ROBO2: variants seen among roughly 807,000 people sequenced by gnomAD.
The protein encoded by ROBO2 is roundabout homolog 2.
Under a neutral mutation model 160.8 loss-of-function variants are expected in ROBO2, and 53 were observed. That is an observed-to-expected ratio of 0.33 (90% CI 0.26 to 0.41). The LOEUF (loss-of-function observed/expected upper bound fraction) is 0.41. Ranked by LOEUF, ROBO2 falls within the 10% of genes least tolerant of loss-of-function variation. The pLI is 1.00. For synonymous variants in ROBO2, 664 were observed against 611.7 expected (o/e 1.09, Z -1.26); for missense variants, 1,577 against 1,722.4 (o/e 0.92, Z 1.49).
intron 2 of ROBO2, among the ~76,000 whole-genome samples, chr3:76,030,925 GGGAT>G (rs1245831352): frequency 6.6e-6 from 1 of 152,100 alleles, no homozygotes; most frequent in Non-Finnish European, 1.5e-5. Flanking sequence ...TAGCTTGATG[GGGAT>G]GGCACTGAAT....
intron 1 of ROBO2, among the ~76,000 whole-genome samples, chr3:77,048,005 C>T (rs1474826606): frequency 6.6e-6 from 1 of 151,974 alleles, no homozygotes; most frequent in Non-Finnish European, 1.5e-5. Flanking sequence ...CGAGATCGCG[C>T]CACTGCACTC....
chr3:76,899,339 G>A (rs2075054324), intron 2 of ROBO2, among the ~76,000 whole-genome samples: 1 of 151,904 alleles, frequency 6.6e-6, no homozygotes, highest in Non-Finnish European at 1.5e-5. Context: ...TATGTGTGAT[G>A]GTTATTAAGT....
chr3:77,029,899 C>T (rs1289593131), intron 2 of ROBO2, among the ~76,000 whole-genome samples: 2 of 151,742 alleles, frequency 1.3e-5, no homozygotes, highest in African/African-American at 4.8e-5. Context: ...AATAGGCCTC[C>T]TATCCTTGAA....
intron 2 of ROBO2, among the ~76,000 whole-genome samples, chr3:76,348,290 G>C (rs962010762): frequency 2.0e-5 from 3 of 152,176 alleles, no homozygotes; most frequent in African/African-American, 7.2e-5. Context: ...TAATTGTTGG[G>C]AGAGGCAATC....
chr3:76,613,830 T>C (rs959271095), intron 2 of ROBO2, among the ~76,000 whole-genome samples: 6 of 152,134 alleles, frequency 3.9e-5, no homozygotes, highest in African/African-American at 1.4e-4. Flanking sequence ...TTTCAGCCAT[T>C]AGTTACATTA....
intron 2 of ROBO2, among the ~76,000 whole-genome samples, chr3:76,486,708 T>C (rs1318125533): frequency 6.6e-6 from 1 of 152,172 alleles, no homozygotes; most frequent in Admixed American, 6.5e-5. Context: ...GTTCCTGTTA[T>C]TTAGCAGTTT....
intron 2 of ROBO2, among the ~76,000 whole-genome samples, chr3:77,272,843 G>C (rs1319565223): frequency 6.6e-6 from 1 of 152,074 alleles, no homozygotes; most frequent in Non-Finnish European, 1.5e-5. Flanking sequence ...TTTTAGGTTA[G>C]AAAGTATCCT....
chr3:76,190,163 C>CTTGACAGGATT lies in ROBO2; in HGVS notation c.109+252567_109+252568insGGATTTTGACA, dbSNP rs545666296. On this transcript the variant is annotated intron_variant, in intron 2 of 26. Transcript: ENST00000487694. ...TATCTCACAATATCCTGTCTATATT[C>CTTGACAGGATT]TTGACAATTTTTCATTTCTTGGGTT... 2.5e-3 allele frequency among the ~76,000 whole-genome samples: 381 copies of CTTGACAGGATT among 152,186 alleles called. 4 individuals carry two copies. The highest frequency in any genetic ancestry group is 4.5e-3 in the Admixed American group (69 of 15,240).
chr3:76,374,941 CT>C (rs77109557), intron 2 of ROBO2, among the ~76,000 whole-genome samples: 13,322 of 138,234 alleles, frequency 0.096, 648 homozygotes, highest in African/African-American at 0.15. Context: ...CTTTCTTCTT[CT>C]TTTTTTTTTT....
intron 5 of ROBO2, among the ~76,000 whole-genome samples, chr3:77,494,353 G>GATCA (rs2086522157): frequency 6.6e-6 from 1 of 152,084 alleles, no homozygotes; most frequent in African/African-American, 2.4e-5. Flanking sequence ...GAGGCAGGTG[G>GATCA]ATCATTTCAT....
At chr3:77,215,318 A>G (rs953004878) in intron 2 of ROBO2, among the ~76,000 whole-genome samples, 2 of 151,874 alleles carry the variant, frequency 1.3e-5, no homozygotes, top group Admixed American at 6.6e-5. Context: ...TTCTTGCTTC[A>G]TTTCATTCAT....
chr3:77,295,355 A>T (rs2061941781), intron 2 of ROBO2, among the ~76,000 whole-genome samples: 1 of 150,738 alleles, frequency 6.6e-6, no homozygotes. Context: ...ACATAAAGTA[A>T]AATTGATGGT....
At chr3:76,741,980 G>A (rs999067256) in intron 2 of ROBO2, among the ~76,000 whole-genome samples, 2 of 151,942 alleles carry the variant, frequency 1.3e-5, no homozygotes, top group Non-Finnish European at 2.9e-5. Flanking sequence ...GATGTGTCAG[G>A]ATTTGACATC....
chr3:77,262,457 G>C (rs2058836578), intron 2 of ROBO2, among the ~76,000 whole-genome samples: 1 of 152,068 alleles, frequency 6.6e-6, no homozygotes. Flanking sequence ...AGGTGTACTG[G>C]GAGTTGTGTA....
chr3:76,017,553 A>T (rs965633986), intron 2 of ROBO2, among the ~76,000 whole-genome samples: 1 of 152,116 alleles, frequency 6.6e-6, no homozygotes, highest in South Asian at 2.1e-4. Context: ...ATATTAGATG[A>T]TATCTGAACA....
intron 8 of ROBO2, 44 bp from the exon 10 acceptor site, chr3:77,557,900 A>G: frequency 1.4e-6 from 2 of 1,459,048 alleles, no homozygotes; most frequent in Non-Finnish European, 1.9e-6. Flanking sequence ...AGCCTACTGA[A>G]CTACATTGAT....
At chr3:77,556,410 T>C (rs1375621766) in intron 8 of ROBO2, among the ~76,000 whole-genome samples, 1 of 151,928 alleles carries the variant, frequency 6.6e-6, no homozygotes, top group Non-Finnish European at 1.5e-5. Flanking sequence ...TCTTAGGTTT[T>C]ATCACTGATA....
At chr3:77,397,210 C>T (rs1239452419) in intron 2 of ROBO2, among the ~76,000 whole-genome samples, 1 of 152,054 alleles carries the variant, frequency 6.6e-6, no homozygotes, top group Non-Finnish European at 1.5e-5. Context: ...AACTAAAAGT[C>T]TTAGTCAGTG....
chr3:76,478,760 G>C (rs1028955865), intron 2 of ROBO2, among the ~76,000 whole-genome samples: 3 of 133,866 alleles, frequency 2.2e-5, no homozygotes, highest in Non-Finnish European at 3.1e-5. Flanking sequence ...CTGCAGCTTT[G>C]AATTTCTGGG....
Sources: allele counts gnomAD v4.1 joint callset (sites outside exome capture counted in the v4.1 genomes callset), GRCh38; gene constraint gnomAD v4.1.1; transcripts MANE v1.5; gene names NCBI Gene and HGNC (gene_info 2026-07-23, HGNC 2026-07-21).